The following SETBP1 variants were observed in gnomAD, a reference collection of about 807,000 sequenced individuals.
The protein encoded by SETBP1 is SET-binding protein.
In SETBP1, 9 loss-of-function variants were observed where a neutral mutation model predicts 101.0. The ratio of observed to expected loss-of-function variants is 0.09; its 90% CI spans 0.05 to 0.16. SETBP1 has a LOEUF of 0.16. Ranked by LOEUF, SETBP1 falls within the 10% of genes least tolerant of loss-of-function variation. SETBP1 has a pLI of 1.00. For synonymous variants in SETBP1, 818 were observed against 788.5 expected, an observed-to-expected ratio of 1.04 and a Z score of -0.63; for missense variants, 1,858 against 2,033.8, an observed-to-expected ratio of 0.91 and a Z score of 1.66.
chr18:44,881,347 G>C (rs1314257211), intron 3 of SETBP1, among the ~76,000 whole-genome samples: 1 of 152,178 alleles, frequency 6.6e-6, no homozygotes, highest in African/African-American at 2.4e-5. Flanking sequence ...GCAGGGGTGG[G>C]TAAGAGGAGA....
intron 3 of SETBP1, among the ~76,000 whole-genome samples, chr18:44,888,319 T>C (rs1339663264): frequency 6.6e-6 from 1 of 152,104 alleles, no homozygotes; most frequent in East Asian, 1.9e-4. Flanking sequence ...TCTAGTAAAA[T>C]GTCACTTACA....
At position 44,844,605 on chromosome 18, in the gene SETBP1, C is replaced by T. The variant is rs1426834831; in HGVS notation, c.487-24625C>T. 3.9e-5 allele frequency among the ~76,000 whole-genome samples: 6 copies of T among 152,198 alleles called. 1 individual carries two copies. Among genetic ancestry groups the T allele is most frequent in the Admixed American group, 3.3e-4 (5 of 15,286 alleles). ...AGGTCAGTTTGGATTGCTCCAAAGC[C>T]TCCCCTCATCATGCCTCCACCCACG... On this transcript the variant is annotated intron_variant, in intron 2 of 5. Transcript: ENST00000649279.
At chr18:44,785,810 G>A (rs2071228276) in intron 2 of SETBP1, among the ~76,000 whole-genome samples, 2 of 152,154 alleles carry the variant, frequency 1.3e-5, no homozygotes, top group Admixed American at 1.3e-4. Context: ...TCTCTTATAT[G>A]TTGCCACTTT....
chr18:44,783,043 T>G (rs1330482522), intron 2 of SETBP1, among the ~76,000 whole-genome samples: 1 of 152,166 alleles, frequency 6.6e-6, no homozygotes, highest in Non-Finnish European at 1.5e-5. Context: ...TTCTGGGAAT[T>G]TGGACTAGGC....
intron 4 of SETBP1, among the ~76,000 whole-genome samples, chr18:44,958,910 T>C (rs2071551143): frequency 6.6e-6 from 1 of 152,186 alleles, no homozygotes; most frequent in Non-Finnish European, 1.5e-5. Flanking sequence ...GCCTCCCAAG[T>C]TTCCTCCTAA....
At chr18:44,694,908 T>C (rs2068990431) in intron 1 of SETBP1, among the ~76,000 whole-genome samples, 1 of 151,966 alleles carries the variant, frequency 6.6e-6, no homozygotes, top group African/African-American at 2.4e-5. Flanking sequence ...GTATGACCCA[T>C]GGAAAAGGAG....
At chr18:44,681,250 G>A (rs1001673448) in intron 1 of SETBP1, among the ~76,000 whole-genome samples, 3 of 152,176 alleles carry the variant, frequency 2.0e-5, no homozygotes. Context: ...TTTCCAGTGG[G>A]AAATCACTCC....
chr18:44,689,574 C>A (rs1373433284), intron 1 of SETBP1, among the ~76,000 whole-genome samples: 1 of 152,084 alleles, frequency 6.6e-6, no homozygotes, highest in East Asian at 1.9e-4. Context: ...CTCTAAGAGC[C>A]CATGAAAACC....
At chr18:44,979,847 CTG>C (rs2072072226) in intron 4 of SETBP1, among the ~76,000 whole-genome samples, 1 of 152,222 alleles carries the variant, frequency 6.6e-6, no homozygotes, top group South Asian at 2.1e-4. Context: ...AAACATGTGA[CTG>C]TCTTGGTTCT....
At chr18:44,718,560 T>C (rs1450592086) in intron 2 of SETBP1, among the ~76,000 whole-genome samples, 2 of 152,210 alleles carry the variant, frequency 1.3e-5, no homozygotes, top group African/African-American at 4.8e-5. Flanking sequence ...CTCTCTTCCT[T>C]AGCATAACTG....
intron 3 of SETBP1, among the ~76,000 whole-genome samples, chr18:44,909,780 G>A (rs1171811454): frequency 2.0e-5 from 3 of 152,156 alleles, no homozygotes; most frequent in Admixed American, 6.5e-5. Flanking sequence ...AATATTTAAA[G>A]GGGAGTATGT....
intron 4 of SETBP1, among the ~76,000 whole-genome samples, chr18:44,969,632 G>A (rs1459572681): frequency 6.6e-6 from 1 of 152,150 alleles, no homozygotes; most frequent in Non-Finnish European, 1.5e-5. Context: ...TAGGTTCTAG[G>A]TTTGACTTTA....
At chr18:44,887,358 T>G (rs796310502) in intron 3 of SETBP1, among the ~76,000 whole-genome samples, 12 of 152,208 alleles carry the variant, frequency 7.9e-5, no homozygotes, top group African/African-American at 2.9e-4. Context: ...ACCCAGAAAT[T>G]ACAACTCCTT....
intron 3 of SETBP1, among the ~76,000 whole-genome samples, chr18:44,900,240 TG>T (rs1030439813): frequency 6.6e-6 from 1 of 152,220 alleles, no homozygotes; most frequent in Non-Finnish European, 1.5e-5. Flanking sequence ...TCAGAGGTTC[TG>T]GGGTTGGGCC....
In SETBP1 at chr18:44,953,006, T is replaced by C; in HGVS notation, c.3666T>C (p.Ser1222=). 1 of 1,614,128 alleles carries C rather than the reference T, an allele frequency of 6.2e-7. No homozygotes were observed. Among genetic ancestry groups the C allele is most frequent in the East Asian group, 2.2e-5 (1 of 44,864 alleles). The change falls in exon 4 of 6, where the codon TCT becomes TCC. Residue 1222 remains serine (S), a synonymous_variant. Coordinates refer to ENST00000649279, the MANE Select transcript of SETBP1 (RefSeq NM_015559.3). ...ACAGCGAAGCCGGCCACAAAGCTTCTAAGAACAACTTTGAGGTGGACACCC... is the reference window on the plus strand; with the variant it reads ...ACAGCGAAGCCGGCCACAAAGCTTCCAAGAACAACTTTGAGGTGGACACCC... ...HQHSEAGHKA[S]KNNFEVDTLS...
At chr18:44,819,662 CTT>C (rs1411826800) in intron 2 of SETBP1, among the ~76,000 whole-genome samples, 3 of 152,148 alleles carry the variant, frequency 2.0e-5, no homozygotes, top group Non-Finnish European at 4.4e-5. Flanking sequence ...TATTTAGCAT[CTT>C]TTCACAGCCC....
intron 2 of SETBP1, among the ~76,000 whole-genome samples, chr18:44,746,380 C>T (rs576633741): frequency 6.6e-6 from 1 of 152,276 alleles, no homozygotes; most frequent in African/African-American, 2.4e-5. Flanking sequence ...GATAAATAAT[C>T]ATGATGAATA....
intron 2 of SETBP1, among the ~76,000 whole-genome samples, chr18:44,703,296 CTTCTT>C (rs760769917): frequency 4.6e-5 from 6 of 129,746 alleles, no homozygotes; most frequent in Non-Finnish European, 9.6e-5. Context: ...AATGAATGAA[CTTCTT>C]TTCTTTATAG....
At chr18:44,739,060 C>G (rs2070042445) in intron 2 of SETBP1, among the ~76,000 whole-genome samples, 1 of 152,076 alleles carries the variant, frequency 6.6e-6, no homozygotes. Context: ...TCTGTTCTTC[C>G]ATCTTAAACC....
Sources: gnomAD v4.1 joint callset for allele counts (sites outside exome capture counted in the v4.1 genomes callset) on GRCh38, gnomAD v4.1.1 for gene constraint, MANE v1.5 for transcripts, NCBI Gene and HGNC (gene_info 2026-07-23, HGNC 2026-07-21) for gene names.